TTLL5: variants seen among roughly 807,000 people sequenced by gnomAD.
TTLL5 encodes the protein tubulin tyrosine ligase like 5.
Under a neutral mutation model 168.4 loss-of-function variants are expected in TTLL5, and 132 were observed. The ratio of observed to expected loss-of-function variants is 0.78; its 90% CI spans 0.68 to 0.91. The LOEUF is 0.91. Among genes scored for constraint, TTLL5 ranks in the 40% least tolerant of loss-of-function variants. The pLI, the probability that TTLL5 is intolerant of heterozygous loss-of-function variation, is 0.00. For missense variants in TTLL5, 1,545 were observed against 1,581.5 expected (o/e 0.98, Z 0.39); for synonymous variants, 546 against 558.6 (o/e 0.98, Z 0.32).
chr14:75,669,280 A>G, intron 2 of TTLL5, 136 bp from the exon 3 acceptor site: 1 of 761,830 alleles, frequency 1.3e-6, no homozygotes. Flanking sequence ...GGGAGATGTG[A>G]TTTCCCACAG....
intron 28 of TTLL5, among the ~76,000 whole-genome samples, chr14:75,836,696 A>G (rs1490381059): frequency 6.6e-6 from 1 of 152,182 alleles, no homozygotes; most frequent in African/African-American, 2.4e-5. Flanking sequence ...ATGTATGCAA[A>G]AAAATGAAAA....
chr14:75,727,861 GA>G (rs1175952646), intron 12 of TTLL5: 1 of 500,012 alleles, frequency 2.0e-6, no homozygotes, highest in Non-Finnish European at 4.0e-6. Context: ...AGGGATGGGG[GA>G]AAGGGCAGGA....
chr14:75,763,573 T>C (rs1890793949), intron 18 of TTLL5, among the ~76,000 whole-genome samples: 1 of 152,194 alleles, frequency 6.6e-6, no homozygotes, highest in African/African-American at 2.4e-5. Context: ...CTTTGAGTTC[T>C]AGAGAGTTCA....
chr14:75,870,913 G>A (rs1370714686), intron 29 of TTLL5, among the ~76,000 whole-genome samples: 1 of 151,238 alleles, frequency 6.6e-6, no homozygotes, highest in Non-Finnish European at 1.5e-5. Flanking sequence ...TCCTGCCTCA[G>A]CCTCCCAAGT....
At chr14:75,916,806 G>A (rs1231124443) in intron 31 of TTLL5, among the ~76,000 whole-genome samples, 2 of 152,194 alleles carry the variant, frequency 1.3e-5, no homozygotes, top group African/African-American at 4.8e-5. Flanking sequence ...GCAGATGAAT[G>A]AGTCAACAAA....
intron 28 of TTLL5, among the ~76,000 whole-genome samples, chr14:75,844,283 A>C (rs895101855): frequency 5.7e-4 from 87 of 152,192 alleles, no homozygotes; most frequent in African/African-American, 2.1e-3. Flanking sequence ...CAATTGCTCC[A>C]ACTTCATTTG....
At chr14:75,764,493 T>C in intron 18 of TTLL5, 122 bp from the exon 19 acceptor site, 2 of 1,189,198 alleles carry the variant, frequency 1.7e-6, no homozygotes, top group Middle Eastern at 2.0e-4. Flanking sequence ...TGTCAAACTT[T>C]TAGAATTCAC....
intron 18 of TTLL5, among the ~76,000 whole-genome samples, chr14:75,764,226 G>A (rs1890827045): frequency 6.6e-6 from 1 of 152,088 alleles, no homozygotes. Flanking sequence ...GTTATAATGG[G>A]TAGAAATGAA....
At chr14:75,787,022 A>G (rs145202415) in intron 26 of TTLL5, among the ~76,000 whole-genome samples, 1 of 152,174 alleles carries the variant, frequency 6.6e-6, no homozygotes, top group Non-Finnish European at 1.5e-5. Flanking sequence ...AGTCCCAGCT[A>G]CTCAGGAGGT....
chr14:75,667,481 A>C (rs1456282592), intron 2 of TTLL5, among the ~76,000 whole-genome samples: 1 of 152,234 alleles, frequency 6.6e-6, no homozygotes, highest in Non-Finnish European at 1.5e-5. Context: ...TTAAAGATGA[A>C]GAAGCAAGCA....
chr14:75,702,999 C>G (rs1282293139), intron 7 of TTLL5, among the ~76,000 whole-genome samples: 1 of 152,198 alleles, frequency 6.6e-6, no homozygotes, highest in Non-Finnish European at 1.5e-5. Context: ...CTTCTCTCTC[C>G]TTACACAAAA....
intron 31 of TTLL5, chr14:75,902,553 C>T (rs544468407): frequency 2.0e-6 from 1 of 495,108 alleles, no homozygotes; most frequent in Non-Finnish European, 4.0e-6. Flanking sequence ...GTATCTCTCA[C>T]TTAATTCTCA....
At chr14:75,757,923 A>G in intron 18 of TTLL5, 2 of 1,512,520 alleles carry the variant, frequency 1.3e-6, no homozygotes, top group Non-Finnish European at 1.8e-6. Context: ...ATGTGTGACC[A>G]TGCACAGACT....
chr14:75,692,816 T>C (rs1267751397), intron 6 of TTLL5, among the ~76,000 whole-genome samples: 5 of 152,126 alleles, frequency 3.3e-5, no homozygotes, highest in African/African-American at 1.2e-4. Flanking sequence ...TAGAGGAATG[T>C]TACATTTTGG....
chr14:75,852,314 A>C (rs956727943), intron 28 of TTLL5, among the ~76,000 whole-genome samples: 1 of 152,058 alleles, frequency 6.6e-6, no homozygotes, highest in Non-Finnish European at 1.5e-5. Flanking sequence ...AAAACCTTTT[A>C]TTTCTTTTTG....
At chr14:75,901,232 A>G (rs1190223312) in intron 30 of TTLL5, among the ~76,000 whole-genome samples, 1 of 152,178 alleles carries the variant, frequency 6.6e-6, no homozygotes, top group East Asian at 1.9e-4. Flanking sequence ...GACCAATACA[A>G]TCTCTGTCAT....
chr14:75,667,189 T>C (rs1232755451), intron 2 of TTLL5, among the ~76,000 whole-genome samples: 1 of 152,222 alleles, frequency 6.6e-6, no homozygotes, highest in Admixed American at 6.5e-5. Context: ...GGGCCTGGGC[T>C]CTTCTCAGCT....
chr14:75,805,727 T>A (rs1288771207), intron 27 of TTLL5, among the ~76,000 whole-genome samples: 1 of 152,218 alleles, frequency 6.6e-6, no homozygotes, highest in African/African-American at 2.4e-5. Flanking sequence ...TAAAACTTAT[T>A]TGCCTCTTTT....
chr14:75,802,810 G>A lies in TTLL5; in HGVS notation c.3171+9710G>A, dbSNP rs141914810. Among the ~76,000 whole-genome samples the A allele has an allele frequency of 5.3e-5, 8 of 152,318 alleles. No individual in the cohort carries two copies. In the East Asian group the frequency reaches 5.8e-4, roughly 11 times the overall value. On this transcript the variant is annotated intron_variant, in intron 27 of 31. Transcript: ENST00000298832. ...AATAACAACCACTAAAAGAGGCCCC[G>A]AACCCAGCTTGTGGGTGGGAATGGG... is the stretch of plus-strand genomic sequence containing the variant.
Sources: gnomAD v4.1 joint callset for allele counts (sites outside exome capture counted in the v4.1 genomes callset) on GRCh38, gnomAD v4.1.1 for gene constraint, MANE v1.5 for transcripts, NCBI Gene and HGNC (gene_info 2026-07-23, HGNC 2026-07-21) for gene names.